Variants in AGO2 observed in about 807,000 individuals in gnomAD.
The protein encoded by AGO2 is argonaute RISC catalytic component 2, also known as protein argonaute-2.
AGO2 carries 5 observed loss-of-function variants against 102.3 expected under a neutral mutation model. That is an observed-to-expected ratio of 0.05 (90% CI 0.03 to 0.10). The LOEUF is 0.10. AGO2 is among the 10% of genes least tolerant of loss of function. The probability of loss-of-function intolerance (pLI) is 1.00; values close to 1 mark genes in which losing one functional copy is unlikely to be tolerated. For missense variants in AGO2, 541 were observed against 1,183.7 expected (o/e 0.46, Z 7.97); for synonymous variants, 449 against 473.1 (o/e 0.95, Z 0.66).
chr8:140,581,378 G>A (rs2073554197), intron 2 of AGO2, among the ~76,000 whole-genome samples: 1 of 152,230 alleles, frequency 6.6e-6, no homozygotes, highest in African/African-American at 2.4e-5. Context: ...GCCGGGTGTG[G>A]TGGCGCATGC....
At chr8:140,534,075 G>A (rs2072650499) in intron 17 of AGO2, among the ~76,000 whole-genome samples, 1 of 152,200 alleles carries the variant, frequency 6.6e-6, no homozygotes, top group Admixed American at 6.5e-5. Flanking sequence ...CCTGTGCCGA[G>A]GCCCCTGGTG....
chr8:140,597,696 GAA>G (rs113597330), intron 1 of AGO2, among the ~76,000 whole-genome samples: 2 of 139,456 alleles, frequency 1.4e-5, no homozygotes, highest in Non-Finnish European at 3.1e-5. Context: ...AAGGAATCAA[GAA>G]AAAAAAAAAA....
chr8:140,599,261 C>T (rs2073894586), intron 1 of AGO2, among the ~76,000 whole-genome samples: 1 of 152,214 alleles, frequency 6.6e-6, no homozygotes, highest in Admixed American at 6.5e-5. Context: ...GGTGGCGTCG[C>T]TGTGGTTTCT....
chr8:140,588,598 G>C (rs1425341898), intron 1 of AGO2, among the ~76,000 whole-genome samples: 1 of 136,558 alleles, frequency 7.3e-6, no homozygotes, highest in African/African-American at 2.7e-5. Flanking sequence ...GAGGCAGGGA[G>C]AGAGGGAGGG....
At chr8:140,564,769 C>A (rs1367420806) in intron 3 of AGO2, among the ~76,000 whole-genome samples, 3 of 151,576 alleles carry the variant, frequency 2.0e-5, no homozygotes, top group African/African-American at 7.3e-5. Context: ...GTGGCAAAAC[C>A]CCATCTCTAC....
intron 12 of AGO2, among the ~76,000 whole-genome samples, chr8:140,548,456 A>T (rs1468158139): frequency 6.6e-6 from 1 of 152,178 alleles, no homozygotes; most frequent in African/African-American, 2.4e-5. Flanking sequence ...CCTGACATCA[A>T]AGAGCTCCAC....
chr8:140,536,047 G>A (rs558725966), intron 16 of AGO2, among the ~76,000 whole-genome samples: 31 of 152,346 alleles, frequency 2.0e-4, no homozygotes, highest in African/African-American at 6.5e-4. Flanking sequence ...GTGCTTTGCC[G>A]GTAGCTTGCG....
At chr8:140,548,928 G>A (rs1263877572) in intron 12 of AGO2, among the ~76,000 whole-genome samples, 186 bp downstream of exon 12, 2 of 152,258 alleles carry the variant, frequency 1.3e-5, no homozygotes, top group Non-Finnish European at 2.9e-5. Context: ...GGACGACGGG[G>A]AGGCCCTGAA....
At chr8:140,585,342 G>A (rs1564101129) in intron 1 of AGO2, 31 bp from the exon 2 acceptor site, 1 of 1,606,880 alleles carries the variant, frequency 6.2e-7, no homozygotes, top group Non-Finnish European at 8.5e-7. Flanking sequence ...CCCATTAACG[G>A]GGGAGCAGGC....
chr8:140,625,241 A>G (rs1806536), intron 1 of AGO2, among the ~76,000 whole-genome samples: 73,715 of 152,022 alleles, frequency 0.48, 18,310 homozygotes, highest in Non-Finnish European at 0.56. Flanking sequence ...GGGTAGCTGG[A>G]ATTACAGGCG....
In AGO2 at chr8:140,551,387, T is replaced by C; in HGVS notation, c.1319A>G (p.Lys440Arg). 3 of 1,597,774 alleles carry C rather than the reference T, an allele frequency of 1.9e-6. No homozygotes were observed. Among genetic ancestry groups the C allele is most frequent in the Non-Finnish European group, 2.6e-6 (3 of 1,169,428 alleles). The change falls in exon 11 of 19, where the codon AAG (lysine) becomes AGG (arginine). Residue 440 changes from lysine to arginine, a missense_variant. Physicochemically the swap from Lys to Arg is conservative, Grantham distance 26 (BLOSUM62 2). Coordinates refer to ENST00000220592, the MANE Select transcript of AGO2 (RefSeq NM_012154.5). ...GATCTCGATGCCCGTGTGGAACTGC[T>C]TGTTCCGCATGTCCCAGACGCCCTG... Reference protein sequence around the residue: ...PVQGVWDMRNKQFHTGIEIKV... With the variant: ...PVQGVWDMRNRQFHTGIEIKV...
chr8:140,594,865 T>C (rs999942804), intron 1 of AGO2, among the ~76,000 whole-genome samples: 4 of 100,838 alleles, frequency 4.0e-5, no homozygotes, highest in Admixed American at 1.0e-4. Context: ...ATTTCTCTAA[T>C]TGCATGACAA....
intron 11 of AGO2, among the ~76,000 whole-genome samples, chr8:140,549,814 G>A (rs920810862): frequency 1.3e-5 from 2 of 152,202 alleles, no homozygotes; most frequent in African/African-American, 4.8e-5. Flanking sequence ...GAAAACAGCA[G>A]CCCGCAGCCT....
At chr8:140,546,719 C>T (rs2072907593) in intron 13 of AGO2, among the ~76,000 whole-genome samples, 1 of 152,246 alleles carries the variant, frequency 6.6e-6, no homozygotes, top group South Asian at 2.1e-4. Flanking sequence ...CACAAATAAT[C>T]TGATTCTACG....
chr8:140,628,840 C>G (rs930569070), intron 1 of AGO2, among the ~76,000 whole-genome samples: 3 of 152,002 alleles, frequency 2.0e-5, no homozygotes, highest in Non-Finnish European at 4.4e-5. Flanking sequence ...AATCCCAGCA[C>G]TTTGGGAGGC....
intron 16 of AGO2, among the ~76,000 whole-genome samples, chr8:140,538,925 A>T (rs1588437611): frequency 6.6e-6 from 1 of 151,776 alleles, no homozygotes; most frequent in Admixed American, 6.6e-5. Flanking sequence ...AAATAGTGAG[A>T]CCCTGTCTCT....
intron 17 of AGO2, among the ~76,000 whole-genome samples, chr8:140,533,077 C>T (rs2072627670): frequency 6.6e-6 from 1 of 150,650 alleles, no homozygotes; most frequent in South Asian, 2.1e-4. Flanking sequence ...TTTATTTACA[C>T]ACAGAAAAAT....
Position 140,539,943 on chromosome 8 carries a change from T to C in AGO2, c.2035-489A>G, listed in dbSNP as rs1384811979. ...TTCTACTAAAAATACAAAAATTAAC[T>C]GGGCGTGGTGGTGGGCACCTGTCGT... On this transcript the variant is annotated intron_variant, in intron 15 of 18. Coordinates refer to ENST00000220592, the MANE Select transcript of AGO2 (RefSeq NM_012154.5). The surrounding 1 kb of genome is among the most constrained non-coding windows in gnomAD (Gnocchi z 4.7). 6.6e-6 allele frequency among the ~76,000 whole-genome samples: 1 copy of C among 151,900 alleles called. No individual in the cohort carries two copies. Among genetic ancestry groups the C allele is most frequent in the Non-Finnish European group, 1.5e-5 (1 of 67,958 alleles).
intron 1 of AGO2, among the ~76,000 whole-genome samples, chr8:140,602,356 G>T (rs2073944726): frequency 6.6e-6 from 1 of 152,170 alleles, no homozygotes; most frequent in Non-Finnish European, 1.5e-5. Context: ...TCTCCCCAGT[G>T]ATATATTTAG....
Sources: gnomAD v4.1 joint callset for allele counts (sites outside exome capture counted in the v4.1 genomes callset) on GRCh38, gnomAD v4.1.1 for gene constraint, Gnocchi (gnomAD v3.1) non-coding constraint, MANE v1.5 for transcripts, NCBI Gene and HGNC (gene_info 2026-07-23, HGNC 2026-07-21) for gene names.